The following FBXL17 variants were observed in gnomAD, a reference collection of about 807,000 sequenced individuals.
FBXL17 encodes the protein F-box/LRR-repeat protein 17.
Under a neutral mutation model 66.2 loss-of-function variants are expected in FBXL17, and 22 were observed. The ratio of observed to expected loss-of-function variants is 0.33; its 90% CI spans 0.24 to 0.47. FBXL17 has a LOEUF of 0.47. FBXL17 is among the 20% of genes least tolerant of loss of function. The pLI is 1.00. For synonymous variants in FBXL17, 474 were observed against 400.5 expected, an observed-to-expected ratio of 1.18 and a Z score of -2.19; for missense variants, 878 against 948.2, an observed-to-expected ratio of 0.93 and a Z score of 0.97.
intron 6 of FBXL17, among the ~76,000 whole-genome samples, chr5:108,090,793 T>C (rs887202761): frequency 6.6e-6 from 1 of 152,228 alleles, no homozygotes; most frequent in Non-Finnish European, 1.5e-5. Context: ...AGGTGGTTTG[T>C]TGACCCTCTA....
chr5:107,944,084 T>G (rs1751204354), intron 7 of FBXL17, among the ~76,000 whole-genome samples: 1 of 152,210 alleles, frequency 6.6e-6, no homozygotes, highest in African/African-American at 2.4e-5. Context: ...TCCTCCCAGA[T>G]TCAGTTCAAA....
intron 4 of FBXL17, chr5:108,299,793 T>C: frequency 1.0e-6 from 1 of 984,932 alleles, no homozygotes; most frequent in Non-Finnish European, 1.2e-6. Context: ...CAGAAGGAAC[T>C]AAATAGCGTG....
intron 7 of FBXL17, among the ~76,000 whole-genome samples, chr5:107,894,334 G>GA (rs1749301335): frequency 6.6e-6 from 1 of 152,282 alleles, no homozygotes; most frequent in African/African-American, 2.4e-5. Flanking sequence ...ATCTGATAAA[G>GA]AAACTAAATC....
chr5:108,263,884 T>C (rs1756935925), intron 4 of FBXL17, among the ~76,000 whole-genome samples: 1 of 152,142 alleles, frequency 6.6e-6, no homozygotes, highest in Admixed American at 6.6e-5. Flanking sequence ...GATCAGCAAA[T>C]TTCATTCTTA....
chr5:107,952,111 TA>T (rs11322719), intron 7 of FBXL17, among the ~76,000 whole-genome samples: 139,617 of 151,680 alleles, frequency 0.92, 64,522 homozygotes, highest in Middle Eastern at 0.97. Flanking sequence ...ACACAAGCAT[TA>T]AAAAAAAAAC....
chr5:108,026,651 G>A (rs991872937), intron 6 of FBXL17, among the ~76,000 whole-genome samples: 1 of 152,150 alleles, frequency 6.6e-6, no homozygotes, highest in Non-Finnish European at 1.5e-5. Flanking sequence ...AACTCCACCA[G>A]TTAACAACAA....
At chr5:107,911,764 T>A (rs1348771880) in intron 7 of FBXL17, among the ~76,000 whole-genome samples, 1 of 152,138 alleles carries the variant, frequency 6.6e-6, no homozygotes, top group Non-Finnish European at 1.5e-5. Context: ...TAAATTTATG[T>A]GGCAGAATAA....
intron 6 of FBXL17, among the ~76,000 whole-genome samples, chr5:108,053,014 G>T (rs1747542764): frequency 6.6e-6 from 1 of 152,076 alleles, no homozygotes; most frequent in Admixed American, 6.6e-5. Flanking sequence ...ACTGAAACTG[G>T]ACCCCTTCCT....
At chr5:107,927,800 G>A (rs1387041280) in intron 7 of FBXL17, among the ~76,000 whole-genome samples, 1 of 152,010 alleles carries the variant, frequency 6.6e-6, no homozygotes, top group Non-Finnish European at 1.5e-5. Flanking sequence ...CTTGCCATAT[G>A]CTGACTGGTA....
In FBXL17 at chr5:108,034,108, T is replaced by G. The variant is rs534793917; in HGVS notation, c.1746-13107A>C. 3.3e-5 allele frequency among the ~76,000 whole-genome samples: 5 copies of G among 152,198 alleles called. No homozygotes were observed. In the East Asian group the frequency reaches 9.6e-4, roughly 29 times the overall value. On this transcript the variant is annotated intron_variant, in intron 6 of 8. Coordinates refer to ENST00000542267, the MANE Select transcript of FBXL17 (RefSeq NM_001163315.3). ...GGATATCTTCATGGTTAATTCTATT[T>G]ATTTCATCACCTTTATTCCAAGCAA...
At chr5:107,915,612 G>A (rs757536656) in intron 7 of FBXL17, among the ~76,000 whole-genome samples, 12 of 152,260 alleles carry the variant, frequency 7.9e-5, no homozygotes, top group Admixed American at 2.6e-4. Flanking sequence ...ATGTTCTTGC[G>A]TAATCTAGTC....
intron 2 of FBXL17, among the ~76,000 whole-genome samples, chr5:108,366,291 T>C (rs571328486): frequency 1.1e-4 from 16 of 152,096 alleles, no homozygotes; most frequent in Non-Finnish European, 4.4e-5. Context: ...CTGTGCCCAA[T>C]CACCACATTT....
At chr5:108,344,149 T>C (rs532624889) in intron 4 of FBXL17, among the ~76,000 whole-genome samples, 2 of 150,882 alleles carry the variant, frequency 1.3e-5, no homozygotes, top group African/African-American at 4.8e-5. Context: ...TTTGCCTCCA[T>C]CTCCCCTTAA....
intron 6 of FBXL17, among the ~76,000 whole-genome samples, chr5:108,056,377 A>G (rs1239121635): frequency 2.0e-5 from 3 of 152,220 alleles, no homozygotes; most frequent in Admixed American, 1.3e-4. Context: ...TGTGTTTCTT[A>G]CAACAGGTAG....
At chr5:108,107,124 T>G (rs867056171) in intron 6 of FBXL17, among the ~76,000 whole-genome samples, 2 of 152,244 alleles carry the variant, frequency 1.3e-5, no homozygotes, top group South Asian at 4.1e-4. Context: ...CAGGCTGGAG[T>G]GCAGTGGTGA....
intron 6 of FBXL17, among the ~76,000 whole-genome samples, chr5:108,064,294 C>A (rs1748034302): frequency 6.6e-6 from 1 of 152,116 alleles, no homozygotes; most frequent in South Asian, 2.1e-4. Flanking sequence ...GAAATAATTT[C>A]ACAATTTGTA....
intron 6 of FBXL17, among the ~76,000 whole-genome samples, chr5:108,178,412 T>C (rs1580562791): frequency 1.3e-5 from 2 of 152,184 alleles, no homozygotes; most frequent in East Asian, 3.9e-4. Context: ...ACTATCTTTC[T>C]AGGGATGGTC....
intron 4 of FBXL17, among the ~76,000 whole-genome samples, chr5:108,278,617 G>C (rs933144781): frequency 9.2e-5 from 14 of 152,226 alleles, no homozygotes; most frequent in African/African-American, 3.4e-4. Context: ...AAACTGCCAG[G>C]TCTGATAGAA....
chr5:108,320,294 T>C (rs1177570594), intron 4 of FBXL17, among the ~76,000 whole-genome samples: 2 of 151,724 alleles, frequency 1.3e-5, no homozygotes, highest in African/African-American at 4.8e-5. Context: ...AATAAATTCT[T>C]ACTATTTTTA....
Sources: allele counts gnomAD v4.1 joint callset (sites outside exome capture counted in the v4.1 genomes callset), GRCh38; gene constraint gnomAD v4.1.1; transcripts MANE v1.5; gene names NCBI Gene and HGNC (gene_info 2026-07-23, HGNC 2026-07-21).